Variants in CRYBG1 observed in about 807,000 individuals in gnomAD.
CRYBG1 encodes crystallin beta-gamma domain containing 1, also known as beta/gamma crystallin domain-containing protein 1.
A neutral mutation model predicts 189.2 loss-of-function variants in CRYBG1; 139 were observed. That is an observed-to-expected ratio of 0.73 (90% CI 0.64 to 0.85). The LOEUF is 0.85. Ranked by LOEUF, CRYBG1 falls within the 40% of genes least tolerant of loss-of-function variation. The pLI is 0.00. For missense variants in CRYBG1, 2,611 were observed against 2,675.8 expected (o/e 0.98, Z 0.53); for synonymous variants, 1,023 against 1,017.1 (o/e 1.01, Z -0.11).
At chr6:106,529,883 G>C (rs545575351) in intron 7 of CRYBG1, among the ~76,000 whole-genome samples, 122 of 152,324 alleles carry the variant, frequency 8.0e-4, no homozygotes, top group Non-Finnish European at 1.5e-3. Flanking sequence ...AGGACCAAGT[G>C]AGGATGAGAA....
chr6:106,522,738 T>C (rs1421776524), intron 4 of CRYBG1, among the ~76,000 whole-genome samples: 1 of 152,212 alleles, frequency 6.6e-6, no homozygotes, highest in East Asian at 1.9e-4. Context: ...TTTCCTCGTC[T>C]GTACAGGGTA....
rs534376079 is a variant in CRYBG1, at chr6:106,570,466, G to A, written c.*1900G>A. On this transcript the variant is annotated 3_prime_UTR_variant, in exon 22 of 22. Transcript: ENST00000633556. The stretch of plus-strand genomic sequence containing the variant: ...GGTTAACTATGTTGATGAAATCTGA[G>A]AGTCCATTCAGTAGCCCTCATCTCA... 6.6e-6 allele frequency: 1 copy of A among 152,222 alleles called. No homozygotes were observed. Among genetic ancestry groups the A allele is most frequent in the Admixed American group, 6.5e-5 (1 of 15,276 alleles). 9.4% of individuals were successfully genotyped at this position (152,222 alleles called of 1,614,324 possible).
chr6:106,385,366 C>G (rs1437249689), intron 1 of CRYBG1, among the ~76,000 whole-genome samples: 2 of 152,176 alleles, frequency 1.3e-5, no homozygotes, highest in African/African-American at 4.8e-5. Context: ...TTTTGGCTAG[C>G]CAGCATTTCT....
At chr6:106,478,790 A>G in intron 2 of CRYBG1, among the ~76,000 whole-genome samples, 1 of 152,218 alleles carries the variant, frequency 6.6e-6, no homozygotes. Flanking sequence ...ACCTCCTGTC[A>G]GATCAGTGGC....
At chr6:106,444,399 A>C (rs1297746805) in intron 1 of CRYBG1, among the ~76,000 whole-genome samples, 1 of 152,240 alleles carries the variant, frequency 6.6e-6, no homozygotes, top group African/African-American at 2.4e-5. Flanking sequence ...TACTCTTGAT[A>C]AAACCGAGCC....
chr6:106,431,964 T>C (rs1771333858), intron 1 of CRYBG1, among the ~76,000 whole-genome samples: 1 of 152,146 alleles, frequency 6.6e-6, no homozygotes, highest in Admixed American at 6.5e-5. Context: ...CTTTACATTG[T>C]TTACTTAGGC....
At chr6:106,454,827 A>C (rs1771852219) in intron 2 of CRYBG1, 1 of 152,366 alleles carries the variant, frequency 6.6e-6, no homozygotes, top group African/African-American at 2.4e-5. Context: ...ATTAGAAAAC[A>C]TGCTGGTCCG....
rs58609287 is a variant in CRYBG1 at position 106,423,386 on chromosome 6, T to TA, written c.174-28297dup. On this transcript the variant is annotated intron_variant, in intron 1 of 21. Transcript: ENST00000633556. ...TTTGCATTGGCTAGAGTCACAGAAT[T>TA]AAAAAAAAAAATTCCTTTATCTTTC... 1.8e-3 allele frequency among the ~76,000 whole-genome samples: 267 copies of TA among 147,314 alleles called. 2 individuals are homozygous for TA. The highest frequency in any genetic ancestry group is 0.016 in the South Asian group (74 of 4,632).
intron 1 of CRYBG1, among the ~76,000 whole-genome samples, chr6:106,446,609 G>A (rs1031018869): frequency 7.2e-5 from 11 of 152,088 alleles, no homozygotes; most frequent in Admixed American, 5.2e-4. Context: ...CCTTATATTA[G>A]GCTACACATA....
intron 2 of CRYBG1, among the ~76,000 whole-genome samples, chr6:106,489,805 A>C (rs1772678600): frequency 6.7e-6 from 1 of 149,910 alleles, no homozygotes; most frequent in Admixed American, 6.7e-5. Flanking sequence ...AAAAAAAAAA[A>C]AAGAAAGAAA....
intron 1 of CRYBG1, among the ~76,000 whole-genome samples, chr6:106,412,958 A>G (rs1770957310): frequency 6.6e-6 from 1 of 151,982 alleles, no homozygotes; most frequent in African/African-American, 2.4e-5. Context: ...AAAAAAAAAA[A>G]AAAAAGAGCT....
At chr6:106,532,998 G>T (rs1773911330) in intron 8 of CRYBG1, among the ~76,000 whole-genome samples, 1 of 152,186 alleles carries the variant, frequency 6.6e-6, no homozygotes, top group Non-Finnish European at 1.5e-5. Flanking sequence ...CAGCAGTGAA[G>T]ACATAAAATG....
chr6:106,565,954 T>A (rs1774871906), intron 21 of CRYBG1, among the ~76,000 whole-genome samples: 1 of 152,194 alleles, frequency 6.6e-6, no homozygotes, highest in Non-Finnish European at 1.5e-5. Context: ...AATGGAGTTT[T>A]TGACACAATG....
At chr6:106,415,560 CA>C (rs11379902) in intron 1 of CRYBG1, among the ~76,000 whole-genome samples, 6 of 144,912 alleles carry the variant, frequency 4.1e-5, no homozygotes, top group East Asian at 2.0e-4. Flanking sequence ...CCCGTCTCTA[CA>C]AAAAAAAAAT....
intron 2 of CRYBG1, among the ~76,000 whole-genome samples, chr6:106,482,449 G>A (rs541107337): frequency 9.0e-5 from 13 of 144,422 alleles, no homozygotes; most frequent in Non-Finnish European, 1.2e-4. Flanking sequence ...CACAGGGAAA[G>A]TACACCAGAG....
chr6:106,364,730 C>CT (rs1397824151), intron 1 of CRYBG1, among the ~76,000 whole-genome samples: 4 of 152,210 alleles, frequency 2.6e-5, no homozygotes, highest in African/African-American at 9.6e-5. Flanking sequence ...AAATTATACT[C>CT]TGTCTTGTGA....
At chr6:106,371,681 G>C (rs996808348) in intron 1 of CRYBG1, among the ~76,000 whole-genome samples, 2 of 152,228 alleles carry the variant, frequency 1.3e-5, no homozygotes, top group Non-Finnish European at 2.9e-5. Flanking sequence ...CTGTGTATCA[G>C]TATACATGTT....
At chr6:106,513,374 A>G (rs1773346466) in intron 3 of CRYBG1, among the ~76,000 whole-genome samples, 1 of 152,206 alleles carries the variant, frequency 6.6e-6, no homozygotes, top group Non-Finnish European at 1.5e-5. Flanking sequence ...CAAAATGTAC[A>G]AGGGTGTTCC....
At chr6:106,363,615 C>T (rs566254056) in intron 1 of CRYBG1, among the ~76,000 whole-genome samples, 10 of 152,110 alleles carry the variant, frequency 6.6e-5, no homozygotes, top group Admixed American at 1.3e-4. Flanking sequence ...ATGTGCAGCA[C>T]TCACTGTGGT....
Sources: allele counts gnomAD v4.1 joint callset (sites outside exome capture counted in the v4.1 genomes callset), GRCh38; gene constraint gnomAD v4.1.1; transcripts MANE v1.5; gene names NCBI Gene and HGNC (gene_info 2026-07-23, HGNC 2026-07-21).